PPP1R13B: variants seen among roughly 807,000 people sequenced by gnomAD.
PPP1R13B encodes apoptosis-stimulating of p53 protein 1.
In PPP1R13B, 44 loss-of-function variants were observed where a neutral mutation model predicts 119.8. That is an observed-to-expected ratio of 0.37 (90% CI 0.29 to 0.47). PPP1R13B has a LOEUF of 0.47. Among genes scored for constraint, PPP1R13B ranks in the 20% least tolerant of loss-of-function variants. PPP1R13B has a pLI of 0.99. For synonymous variants in PPP1R13B, 542 were observed against 561.5 expected (o/e 0.97, Z 0.49); for missense variants, 1,227 against 1,413.5 (o/e 0.87, Z 2.12).
chr14:103,831,753 T>C (rs1193436884), intron 1 of PPP1R13B, among the ~76,000 whole-genome samples: 5 of 151,850 alleles, frequency 3.3e-5, no homozygotes, highest in Admixed American at 6.6e-5. Context: ...CTGGCCAACA[T>C]GGTGAAACCC....
intron 1 of PPP1R13B, among the ~76,000 whole-genome samples, chr14:103,810,696 G>A (rs1424129741): frequency 3.3e-5 from 5 of 151,874 alleles, no homozygotes; most frequent in African/African-American, 7.3e-5. Context: ...GGCGTGACCC[G>A]GGAGGTGGCG....
chr14:103,757,810 G>A (rs2084714420), intron 4 of PPP1R13B, 59 bp from the exon 5 acceptor site: 1 of 1,427,516 alleles, frequency 7.0e-7, no homozygotes, highest in Middle Eastern at 1.8e-4. Flanking sequence ...TCTGTCTCTA[G>A]TGTCAAAACT....
At chr14:103,805,177 A>G (rs1405730514) in intron 1 of PPP1R13B, among the ~76,000 whole-genome samples, 1 of 152,156 alleles carries the variant, frequency 6.6e-6, no homozygotes, top group Non-Finnish European at 1.5e-5. Flanking sequence ...GGCCCCCAGC[A>G]ATTCCACTCC....
rs759820189 is a variant in PPP1R13B, at chr14:103,733,305, A to G, written c.*1849T>C. 8 of 385,772 alleles carry G rather than the reference A, an allele frequency of 2.1e-5. No homozygotes were observed. The highest frequency in any genetic ancestry group is 1.2e-4 in the Admixed American group (3 of 24,316). 23.9% of individuals were successfully genotyped at this position (385,772 alleles called of 1,614,324 possible). A position where few individuals can be genotyped will look rare whatever the true frequency, so the allele number is the denominator to read the frequency against. On this transcript the variant is annotated 3_prime_UTR_variant, in exon 17 of 17. Transcript: ENST00000202556. Reference sequence around the variant, plus strand: ...ACTGCTAAACTATTTTTAGCATAATATATACCATTTTTATGAGTTCGCAGG... The same window carrying G: ...ACTGCTAAACTATTTTTAGCATAATGTATACCATTTTTATGAGTTCGCAGG...
At chr14:103,792,169 C>CGTGT (rs58782839) in intron 2 of PPP1R13B, among the ~76,000 whole-genome samples, 10,310 of 137,010 alleles carry the variant, frequency 0.075, 767 homozygotes, top group African/African-American at 0.18. Flanking sequence ...CTCTATTCAT[C>CGTGT]GTGTGTGTGT....
At position 103,742,227 on chromosome 14, in the gene PPP1R13B, T is replaced by C. The variant is rs1382651020; in HGVS notation, c.1385A>G (p.Tyr462Cys). 11 of 1,595,576 alleles carry C rather than the reference T, an allele frequency of 6.9e-6. No homozygotes were observed. Among genetic ancestry groups the C allele is most frequent in the Non-Finnish European group, 7.6e-6 (9 of 1,176,798 alleles). The change falls in exon 11 of 17, where the codon TAT becomes TGT. Residue 462 changes from tyrosine to cysteine, a missense_variant. By Grantham distance (194) the Tyr-to-Cys change is radical. Coordinates refer to ENST00000202556, the MANE Select transcript of PPP1R13B (RefSeq NM_015316.3). This position sits in a 1 kb window ranked among gnomAD's most constrained non-coding sequence, Gnocchi z 4.9. ...PGVGKQLPPSYGTYPSPTPLG... is the reference protein window; with the variant it reads ...PGVGKQLPPSCGTYPSPTPLG... Reference sequence around the variant, plus strand: ...AGGTGTAGGACTTGGGTATGTCCCATAGCTTGGAGGCAGCTGCTTGCCTAC... The same window carrying C: ...AGGTGTAGGACTTGGGTATGTCCCACAGCTTGGAGGCAGCTGCTTGCCTAC...
chr14:103,831,839 G>A (rs2086670525), intron 1 of PPP1R13B, among the ~76,000 whole-genome samples: 1 of 152,024 alleles, frequency 6.6e-6, no homozygotes, highest in Non-Finnish European at 1.5e-5. Context: ...GGGAGGCTGA[G>A]GCAGGAGAAT....
upstream of PPP1R13B, chr14:103,847,738 G>T: frequency 1.5e-6 from 1 of 655,514 alleles, no homozygotes; most frequent in Non-Finnish European, 1.9e-6. Flanking sequence ...TCTCAGCGGC[G>T]GCCAGGTGCG....
chr14:103,826,903 T>C (rs2086558451), intron 1 of PPP1R13B, among the ~76,000 whole-genome samples: 1 of 150,186 alleles, frequency 6.7e-6, no homozygotes, highest in Admixed American at 6.6e-5. Flanking sequence ...TCCCAGCTAC[T>C]GGGGAGGCTG....
chr14:103,804,864 A>G (rs1313936492), intron 1 of PPP1R13B, among the ~76,000 whole-genome samples: 2 of 152,176 alleles, frequency 1.3e-5, no homozygotes, highest in Admixed American at 1.3e-4. Context: ...TGGTACAGCT[A>G]TTTTGCATAA....
intron 15 of PPP1R13B, 31 bp from the exon 16 acceptor site, chr14:103,736,233 G>C (rs1208309498): frequency 1.2e-6 from 2 of 1,601,726 alleles, no homozygotes; most frequent in East Asian, 2.2e-5. Flanking sequence ...TCAGGCCTCA[G>C]CAGAGGGTGG....
At position 103,757,681 on chromosome 14, in the gene PPP1R13B, A is replaced by C. The variant is rs1380643822; in HGVS notation, c.425T>G (p.Ile142Ser). Residue 142 changes from isoleucine to serine, a missense_variant, in exon 5 of 17, where the codon ATT becomes AGT. Transcript: ENST00000202556. The stretch of plus-strand genomic sequence containing the variant: ...AACCAACATCTGCTGCTGATTTTCA[A>C]TCTGCTGCTGTTGCCTAGCTGCCAT... ...QDMAARQQQQ[I>S]ENQQQMLVAK... 1 of 1,613,928 alleles carries C rather than the reference A, an allele frequency of 6.2e-7. No homozygotes were observed. Among genetic ancestry groups the C allele is most frequent in the Non-Finnish European group, 8.5e-7 (1 of 1,179,988 alleles).
chr14:103,812,513 G>A lies in PPP1R13B; in HGVS notation c.10-14995C>T, dbSNP rs188223966. On this transcript the variant is annotated intron_variant, in intron 1 of 16. Transcript: ENST00000202556. ...CAGCTCACTGCAACCTCTGCCTCCT[G>A]GGTTCGAGCGATTCTCGTGACTCAG... Among the ~76,000 whole-genome samples the A allele has an allele frequency of 3.3e-3, 498 of 152,148 alleles. 2 individuals carry two copies. Among genetic ancestry groups the A allele is most frequent in the African/African-American group, 0.011 (471 of 41,504 alleles).
chr14:103,766,419 T>C (rs2084940581), intron 4 of PPP1R13B, among the ~76,000 whole-genome samples: 1 of 151,998 alleles, frequency 6.6e-6, no homozygotes, highest in Non-Finnish European at 1.5e-5. Flanking sequence ...AGTGCCAGGA[T>C]CCTAGCCACA....
At chr14:103,814,672 G>A (rs934943497) in intron 1 of PPP1R13B, among the ~76,000 whole-genome samples, 12 of 152,128 alleles carry the variant, frequency 7.9e-5, no homozygotes, top group African/African-American at 1.4e-4. Flanking sequence ...GCGGCGGGGC[G>A]CGGTGGCTCA....
At chr14:103,766,614 T>C (rs188338504) in intron 4 of PPP1R13B, among the ~76,000 whole-genome samples, 10 of 152,342 alleles carry the variant, frequency 6.6e-5, no homozygotes, top group African/African-American at 2.2e-4. Context: ...ACTGCTTTTT[T>C]GTTTGTTTTT....
chr14:103,764,531 TC>T, intron 4 of PPP1R13B: 1 of 316,682 alleles, frequency 3.2e-6, no homozygotes, highest in Non-Finnish European at 6.3e-6. Flanking sequence ...ACAAAATACA[TC>T]CACAATGTTA....
intron 9 of PPP1R13B, chr14:103,743,893 G>T (rs1038441418): frequency 2.0e-5 from 3 of 152,316 alleles, no homozygotes; most frequent in African/African-American, 7.2e-5. Context: ...AAACTGACCC[G>T]ATGCAGCCGC....
chr14:103,804,986 G>A (rs1347653064), intron 1 of PPP1R13B, among the ~76,000 whole-genome samples: 4 of 152,084 alleles, frequency 2.6e-5, no homozygotes, highest in African/African-American at 7.2e-5. Context: ...ATAGGCGCAC[G>A]CTATCACGCC....
Sources: allele counts gnomAD v4.1 joint callset (sites outside exome capture counted in the v4.1 genomes callset), GRCh38; gene constraint gnomAD v4.1.1; non-coding constraint Gnocchi (gnomAD v3.1); transcripts MANE v1.5; gene names NCBI Gene and HGNC (gene_info 2026-07-23, HGNC 2026-07-21).